The following SLC16A2 variants were observed in gnomAD, a reference collection of about 807,000 sequenced individuals.
The protein encoded by SLC16A2 is monocarboxylate transporter 8.
Under a neutral mutation model 27.2 loss-of-function variants are expected in SLC16A2, and 3 were observed. The observed-to-expected ratio is 0.11, with a 90% CI of 0.05 to 0.28. The LOEUF (loss-of-function observed/expected upper bound fraction) is 0.28, where lower values mean the gene tolerates loss of function less well. Ranked by LOEUF, SLC16A2 falls within the 10% of genes least tolerant of loss-of-function variation. The pLI, the probability that SLC16A2 is intolerant of heterozygous loss-of-function variation, is 1.00. For missense variants in SLC16A2, 295 were observed against 458.5 expected (o/e 0.64, Z 3.26); for synonymous variants, 202 against 187.8 (o/e 1.08, Z -0.62).
chrX:74,485,749 G>C (rs1253310711), intron 1 of SLC16A2, among the ~76,000 whole-genome samples: 1 of 110,456 alleles, frequency 9.1e-6, no homozygotes, highest in Non-Finnish European at 1.9e-5. Context: ...GGATGAACCC[G>C]AGCACTTAGC....
intron 1 of SLC16A2, among the ~76,000 whole-genome samples, chrX:74,467,341 C>A (rs992789016): frequency 9.0e-6 from 1 of 111,198 alleles, no homozygotes; most frequent in Non-Finnish European, 1.9e-5. Context: ...TAAGGGGGGG[C>A]TTCTAAAACA....
chrX:74,428,271 T>C (rs1928454990), intron 1 of SLC16A2, among the ~76,000 whole-genome samples: 1 of 110,808 alleles, frequency 9.0e-6, no homozygotes, highest in African/African-American at 3.3e-5. Flanking sequence ...TGACACCTCC[T>C]TGTGGATGGG....
chrX:74,501,321 G>A (rs1930029158), intron 1 of SLC16A2, among the ~76,000 whole-genome samples: 2 of 111,397 alleles, frequency 1.8e-5, no homozygotes, highest in Non-Finnish European at 3.8e-5. Flanking sequence ...CCTGTAGTAT[G>A]CCCAGAACAG....
chrX:74,516,797 C>A (rs936961607), intron 1 of SLC16A2, among the ~76,000 whole-genome samples: 3 of 111,129 alleles, frequency 2.7e-5, no homozygotes, highest in Non-Finnish European at 5.7e-5. Context: ...TGTAAACGAT[C>A]TAAATATATC....
At chrX:74,457,191 T>A (rs1362819992) in intron 1 of SLC16A2, among the ~76,000 whole-genome samples, 2 of 111,626 alleles carry the variant, frequency 1.8e-5, no homozygotes, top group African/African-American at 3.3e-5. Context: ...TGATTTTTTT[T>A]ATTATACTTT....
chrX:74,529,470 A>G, intron 5 of SLC16A2, 29 bp downstream of exon 5: 3 of 1,075,135 alleles, frequency 2.8e-6, no homozygotes, highest in Non-Finnish European at 3.8e-6. Flanking sequence ...GGAGGGCATG[A>G]ATCAGGGAGT....
rs989186011 is a variant in SLC16A2, at chrX:74,422,683, C to G, written c.430+616C>G. ...TTCGAGTCGGGGTGTGAGTGCGTCT[C>G]TGGCCGCCGCCGTTACGGCCCAGCT... On this transcript the variant is annotated intron_variant, in intron 1 of 5. Coordinates refer to ENST00000587091, the MANE Select transcript of SLC16A2 (RefSeq NM_006517.5). Among the ~76,000 whole-genome samples the G allele has an allele frequency of 5.3e-5, 6 of 112,288 alleles. No homozygotes were observed. The East Asian group carries it at 1.4e-3, about 27-fold the overall frequency.
chrX:74,478,626 G>T (rs1158501331), intron 1 of SLC16A2, among the ~76,000 whole-genome samples: 1 of 111,491 alleles, frequency 9.0e-6, no homozygotes, highest in Non-Finnish European at 1.9e-5. Flanking sequence ...GGTACCGGTC[G>T]TTCCTTTCCA....
At chrX:74,485,568 G>A (rs929416652) in intron 1 of SLC16A2, among the ~76,000 whole-genome samples, 3 of 110,904 alleles carry the variant, frequency 2.7e-5, no homozygotes, top group South Asian at 3.9e-4. Flanking sequence ...CAAATGGCGC[G>A]GCCACTCCCA....
At chrX:74,426,060 G>T (rs1475835064) in intron 1 of SLC16A2, among the ~76,000 whole-genome samples, 1 of 112,026 alleles carries the variant, frequency 8.9e-6, no homozygotes, top group Non-Finnish European at 1.9e-5. Flanking sequence ...CCCAAGGTTG[G>T]GTGGGGCCAG....
chrX:74,428,563 A>AG (rs1306849478), intron 1 of SLC16A2, among the ~76,000 whole-genome samples: 2 of 110,889 alleles, frequency 1.8e-5, no homozygotes, highest in African/African-American at 3.3e-5. Context: ...GATGTTGTAT[A>AG]GGCCCAACTC....
At chrX:74,529,486 T>C in intron 5 of SLC16A2, 45 bp downstream of exon 5, 3 of 969,765 alleles carry the variant, frequency 3.1e-6, no homozygotes, top group Non-Finnish European at 4.3e-6. Flanking sequence ...GGAGTCCTTT[T>C]TTCCCTGGGT....
chrX:74,529,974 A>G (rs1299408133), intron 5 of SLC16A2, among the ~76,000 whole-genome samples: 2 of 109,399 alleles, frequency 1.8e-5, no homozygotes, highest in Non-Finnish European at 3.8e-5. Context: ...TTGACTTGCC[A>G]TCTTTCAGCA....
chrX:74,473,600 G>C (rs1450625518), intron 1 of SLC16A2: 2 of 908,488 alleles, frequency 2.2e-6, no homozygotes, highest in African/African-American at 3.9e-5. Context: ...ATGTTCTTCA[G>C]TGTCTTCTTT....
At chrX:74,506,375 T>G (rs1930126665) in intron 1 of SLC16A2, among the ~76,000 whole-genome samples, 1 of 111,506 alleles carries the variant, frequency 9.0e-6, no homozygotes, top group African/African-American at 3.3e-5. Flanking sequence ...CATTGATCGG[T>G]CTTTGCTTAA....
At chrX:74,525,684 T>G in intron 3 of SLC16A2, 66 bp from the exon 4 acceptor site, 11 of 1,174,915 alleles carry the variant, frequency 9.4e-6, no homozygotes, top group Non-Finnish European at 1.0e-5. Context: ...TGGATATGCC[T>G]ACAGTTAACC....
intron 4 of SLC16A2, among the ~76,000 whole-genome samples, chrX:74,527,781 T>C (rs1384884496): frequency 8.9e-6 from 1 of 112,860 alleles, no homozygotes; most frequent in Non-Finnish European, 1.9e-5. Context: ...TACTTAGACC[T>C]GATTAAAATC....
At chrX:74,522,522 G>A (rs1475874634) in intron 2 of SLC16A2, among the ~76,000 whole-genome samples, 2 of 112,017 alleles carry the variant, frequency 1.8e-5, no homozygotes, top group Non-Finnish European at 3.8e-5. Context: ...CTGGTGCCTG[G>A]CTCCTTGTGG....
intron 1 of SLC16A2, among the ~76,000 whole-genome samples, chrX:74,426,227 C>T (rs1186976185): frequency 1.8e-5 from 2 of 112,299 alleles, no homozygotes; most frequent in Non-Finnish European, 3.8e-5. Context: ...CTCTTGACTA[C>T]TGTCCAGCAG....
Sources: allele counts gnomAD v4.1 joint callset (sites outside exome capture counted in the v4.1 genomes callset), GRCh38; gene constraint gnomAD v4.1.1; transcripts MANE v1.5; gene names NCBI Gene and HGNC (gene_info 2026-07-23, HGNC 2026-07-21).